Variants in PMM2 observed in about 807,000 individuals in gnomAD.
The protein encoded by PMM2 is mannose-6-phosphate isomerase.
A neutral mutation model predicts 33.2 loss-of-function variants in PMM2; 35 were observed. That is an observed-to-expected ratio of 1.06 (90% confidence interval 0.81 to 1.40). The LOEUF (loss-of-function observed/expected upper bound fraction) is 1.40, where lower values mean the gene tolerates loss of function less well. PMM2 is among the 40% of genes most tolerant of loss of function. PMM2 has a pLI of 0.00. For missense variants in PMM2, 386 were observed against 306.0 expected, an observed-to-expected ratio of 1.26 and a Z score of -1.95; for synonymous variants, 153 against 114.7, an observed-to-expected ratio of 1.33 and a Z score of -2.13.
At chr16:8,833,801 T>C (rs568018647) in intron 7 of PMM2, among the ~76,000 whole-genome samples, 26 of 152,274 alleles carry the variant, frequency 1.7e-4, no homozygotes, top group Admixed American at 1.2e-3. Flanking sequence ...TGGGAGGACC[T>C]ATGACATCTG....
At chr16:8,803,634 T>A (rs1362184487) in intron 2 of PMM2, among the ~76,000 whole-genome samples, 4 of 152,240 alleles carry the variant, frequency 2.6e-5, no homozygotes, top group Non-Finnish European at 5.9e-5. Context: ...CATGGATAGT[T>A]TCCAAACCAA....
chr16:8,803,732 C>T (rs1386708524), intron 2 of PMM2, among the ~76,000 whole-genome samples: 1 of 151,964 alleles, frequency 6.6e-6, no homozygotes, highest in Non-Finnish European at 1.5e-5. Flanking sequence ...GTCTTATTCT[C>T]TGGTGCAGTG....
intron 7 of PMM2, among the ~76,000 whole-genome samples, chr16:8,827,181 G>T (rs866421966): frequency 2.0e-5 from 3 of 152,048 alleles, no homozygotes; most frequent in African/African-American, 7.2e-5. Context: ...AACAGGGTCT[G>T]TGGAGCCTTC....
intron 7 of PMM2, among the ~76,000 whole-genome samples, chr16:8,822,462 C>A (rs190994849): frequency 7.9e-5 from 12 of 152,232 alleles, no homozygotes; most frequent in Admixed American, 3.3e-4. Flanking sequence ...GGGCTGTTAC[C>A]GGCATTGTTT....
At chr16:8,847,660 T>A in intron 7 of PMM2, 64 bp from the exon 8 acceptor site, 3 of 1,211,526 alleles carry the variant, frequency 2.5e-6, no homozygotes, top group Non-Finnish European at 3.7e-6. Context: ...GACTCCAGGG[T>A]CACATCAGCA....
chr16:8,843,126 G>A (rs2060901254), intron 7 of PMM2, among the ~76,000 whole-genome samples: 1 of 152,276 alleles, frequency 6.6e-6, no homozygotes, highest in East Asian at 1.9e-4. Context: ...TAATGTCTAA[G>A]TTGGCACCAG....
At chr16:8,839,886 G>A (rs2060878105) in intron 7 of PMM2, among the ~76,000 whole-genome samples, 2 of 14,446 alleles carry the variant, frequency 1.4e-4, no homozygotes, top group South Asian at 5.2e-3. Flanking sequence ...AAGGAGAAAG[G>A]AGAAAGGTTT....
intron 1 of PMM2, among the ~76,000 whole-genome samples, chr16:8,799,166 A>G (rs1270226375): frequency 1.3e-5 from 2 of 152,216 alleles, no homozygotes; most frequent in Admixed American, 6.5e-5. Context: ...CATAAACCCT[A>G]TATAAATAAG....
chr16:8,810,960 A>C, intron 4 of PMM2, 119 bp from the exon 5 acceptor site: 1 of 716,408 alleles, frequency 1.4e-6, no homozygotes, highest in South Asian at 1.5e-5. Flanking sequence ...CAGAGCTGAG[A>C]AACATTGACC....
intron 5 of PMM2, 106 bp downstream of exon 5, chr16:8,811,284 G>A (rs2060676432): frequency 1.5e-5 from 12 of 795,230 alleles, no homozygotes; most frequent in Non-Finnish European, 2.3e-5. Flanking sequence ...GGGAGGCCAA[G>A]GCAGGAGGAT....
rs2060700517 is a variant in PMM2 at position 8,815,215 on chromosome 16, TTTC to T, written c.639+2112_639+2114del. 2.3e-5 allele frequency among the ~76,000 whole-genome samples: 3 copies of T among 128,988 alleles called. No individual in the cohort carries two copies. The South Asian group carries it at 8.7e-4, about 38-fold the overall frequency. 84.6% of individuals were successfully genotyped at this position (128,988 alleles called of 152,430 possible). A position where few individuals can be genotyped will look rare whatever the true frequency, so the allele number is the denominator to read the frequency against. ...CATGGTATGAATACACTATATTTTC[TTTC>T]TTTTTTTTTTTTTTTTCTTGAGGCA... is the stretch of plus-strand genomic sequence containing the variant. On this transcript the variant is annotated intron_variant, in intron 7 of 7. Transcript: ENST00000268261.
At chr16:8,807,121 C>G (rs922964013) in intron 4 of PMM2, 2 of 151,560 alleles carry the variant, frequency 1.3e-5, no homozygotes, top group Admixed American at 6.6e-5. Context: ...CTCAGCCTCT[C>G]GAGTAGCTGG....
intron 7 of PMM2, among the ~76,000 whole-genome samples, chr16:8,841,982 T>C (rs939145540): frequency 6.6e-6 from 1 of 151,356 alleles, no homozygotes; most frequent in Admixed American, 6.6e-5. Context: ...TTTTACGGCC[T>C]CTAAAAGTAT....
intron 7 of PMM2, among the ~76,000 whole-genome samples, chr16:8,838,247 C>T (rs4985048): frequency 0.28 from 42,220 of 151,654 alleles, 6,155 homozygotes; most frequent in South Asian, 0.34. Flanking sequence ...TTGATCAGTT[C>T]GGGTGGGGCA....
At chr16:8,840,169 G>A (rs917127522) in intron 7 of PMM2, among the ~76,000 whole-genome samples, 11 of 151,750 alleles carry the variant, frequency 7.2e-5, no homozygotes, top group African/African-American at 2.7e-4. Flanking sequence ...GGGTAAGGTT[G>A]ATAGTGTGGT....
At chr16:8,844,899 G>A (rs984701420) in intron 7 of PMM2, among the ~76,000 whole-genome samples, 6 of 152,222 alleles carry the variant, frequency 3.9e-5, no homozygotes, top group Non-Finnish European at 8.8e-5. Context: ...AAATTGGTGA[G>A]ATGTTTCTTG....
chr16:8,811,205 G>A, intron 5 of PMM2, 27 bp downstream of exon 5: 3 of 1,364,500 alleles, frequency 2.2e-6, no homozygotes, highest in South Asian at 1.2e-5. Flanking sequence ...TATCTTTGGT[G>A]AATGGCTGGG....
intron 7 of PMM2, among the ~76,000 whole-genome samples, chr16:8,825,355 C>T (rs568105130): frequency 1.3e-5 from 2 of 150,718 alleles, no homozygotes; most frequent in South Asian, 2.1e-4. Context: ...GACGGAGTTT[C>T]ACTCTTGTCA....
intron 7 of PMM2, 35 bp from the exon 8 acceptor site, chr16:8,847,689 G>T (rs375162613): frequency 1.3e-6 from 2 of 1,484,852 alleles, no homozygotes; most frequent in South Asian, 1.1e-5. Context: ...GGACAGACGA[G>T]GGGGAGCCTT....
Sources: allele counts gnomAD v4.1 joint callset (sites outside exome capture counted in the v4.1 genomes callset), GRCh38; gene constraint gnomAD v4.1.1; transcripts MANE v1.5; gene names NCBI Gene and HGNC (gene_info 2026-07-23, HGNC 2026-07-21).